CRTAC1: variants seen among roughly 807,000 people sequenced by gnomAD.
CRTAC1 encodes cartilage acidic protein 1.
In CRTAC1, 37 loss-of-function variants were observed where a neutral mutation model predicts 67.8. The observed-to-expected ratio is 0.55, with a 90% CI of 0.42 to 0.72. CRTAC1 has a LOEUF of 0.72. Among genes scored for constraint, CRTAC1 ranks in the 30% least tolerant of loss-of-function variants. The pLI is 0.00. For missense variants in CRTAC1, 780 were observed against 931.6 expected (o/e 0.84, Z 2.12); for synonymous variants, 348 against 371.0 (o/e 0.94, Z 0.71).
rs748076089 is a variant in CRTAC1, at chr10:97,936,171, C to T, written c.420G>A (p.Ser140=). ...IYFLNTNNAF[S]GVATYTDKLF... is the part of the protein sequence containing the mutation. Reference sequence around the variant, plus strand: ...AGAGGCCTGAGCCCCAGCCCTTACCCGAGAAGGCATTATTGGTGTTGAGGA... The same window carrying T: ...AGAGGCCTGAGCCCCAGCCCTTACCTGAGAAGGCATTATTGGTGTTGAGGA... The change falls in exon 3 of 15, where the codon TCG becomes TCA. Residue 140 remains serine (S), a splice_region_variant and synonymous_variant. Transcript: ENST00000370597. 10 of 1,601,318 alleles carry T rather than the reference C, an allele frequency of 6.2e-6. No homozygotes were observed. The African/African-American group carries it at 9.4e-5, about 15-fold the overall frequency.
chr10:97,891,959 G>A (rs2050380831), intron 11 of CRTAC1, among the ~76,000 whole-genome samples: 1 of 152,226 alleles, frequency 6.6e-6, no homozygotes, highest in Non-Finnish European at 1.5e-5. Context: ...AATGGACCCT[G>A]TCAACAGAGA....
At chr10:97,919,038 C>T (rs551276541) in intron 4 of CRTAC1, among the ~76,000 whole-genome samples, 21 of 148,606 alleles carry the variant, frequency 1.4e-4, no homozygotes, top group South Asian at 8.7e-4. Flanking sequence ...ACCACCCCCC[C>T]CCGCCTCAGC....
chr10:97,955,197 TCA>T (rs2051421580), intron 2 of CRTAC1, among the ~76,000 whole-genome samples: 1 of 152,210 alleles, frequency 6.6e-6, no homozygotes, highest in Admixed American at 6.5e-5. Flanking sequence ...TCCTTCAGAT[TCA>T]CCAGAGGTTT....
intron 14 of CRTAC1, among the ~76,000 whole-genome samples, chr10:97,872,915 C>G (rs2050108978): frequency 6.6e-6 from 1 of 152,166 alleles, no homozygotes; most frequent in African/African-American, 2.4e-5. Context: ...CCTTATAGGT[C>G]TAATATTGCC....
At chr10:97,985,071 G>A (rs2051957851) in intron 2 of CRTAC1, among the ~76,000 whole-genome samples, 2 of 152,270 alleles carry the variant, frequency 1.3e-5, no homozygotes, top group Non-Finnish European at 2.9e-5. Context: ...GAACTTCCAG[G>A]GATTGTTTCG....
At chr10:97,977,522 A>T (rs2051827282) in intron 2 of CRTAC1, among the ~76,000 whole-genome samples, 1 of 151,974 alleles carries the variant, frequency 6.6e-6, no homozygotes, top group Non-Finnish European at 1.5e-5. Context: ...TCCTGCTGTT[A>T]AAAAGAAAGC....
chr10:97,979,230 G>C (rs1410684789), intron 2 of CRTAC1, among the ~76,000 whole-genome samples: 3 of 152,154 alleles, frequency 2.0e-5, no homozygotes, highest in African/African-American at 4.8e-5. Flanking sequence ...GCTAAAGCGT[G>C]GTCCTTGAAG....
intron 2 of CRTAC1, among the ~76,000 whole-genome samples, chr10:97,939,448 T>C (rs546009519): frequency 6.6e-6 from 1 of 151,896 alleles, no homozygotes; most frequent in South Asian, 2.1e-4. Flanking sequence ...GGCCCTCATC[T>C]CCCCCAGTCC....
intron 2 of CRTAC1, among the ~76,000 whole-genome samples, chr10:97,973,081 G>A (rs1007607598): frequency 6.6e-6 from 1 of 152,084 alleles, no homozygotes; most frequent in African/African-American, 2.4e-5. Context: ...GAAGGAATAT[G>A]CCATAATGCC....
At chr10:97,960,563 A>C (rs1019500167) in intron 2 of CRTAC1, among the ~76,000 whole-genome samples, 4 of 152,150 alleles carry the variant, frequency 2.6e-5, no homozygotes. Context: ...TCTCCCATCT[A>C]TGGTCTTGGT....
chr10:97,888,482 T>G (rs1180878205), intron 11 of CRTAC1, among the ~76,000 whole-genome samples: 1 of 152,068 alleles, frequency 6.6e-6, no homozygotes. Flanking sequence ...GGTGGGAATG[T>G]GTATCAGAGG....
At chr10:97,891,598 G>A (rs2050375030) in intron 11 of CRTAC1, among the ~76,000 whole-genome samples, 1 of 152,260 alleles carries the variant, frequency 6.6e-6, no homozygotes, top group Non-Finnish European at 1.5e-5. Flanking sequence ...AGCCTGGAGG[G>A]CAGGGGGCAT....
chr10:97,934,083 A>C (rs1483961513), intron 3 of CRTAC1, among the ~76,000 whole-genome samples: 1 of 152,160 alleles, frequency 6.6e-6, no homozygotes, highest in East Asian at 1.9e-4. Context: ...GTGCTTGGTG[A>C]ATAGGGGATG....
rs1304924794 is a variant in CRTAC1, at chr10:97,892,958, C to G, written c.1486+2287G>C. Among the ~76,000 whole-genome samples, 6 of 152,298 alleles carry G rather than the reference C, an allele frequency of 3.9e-5. No individual in the cohort carries two copies. In the South Asian group the frequency reaches 1.2e-3, roughly 32 times the overall value. On this transcript the variant is annotated intron_variant, in intron 11 of 14. Transcript: ENST00000370597. ...CTATAAAAATTGGAGCACACACACA[C>G]GACAAAACATATGGAAGAAAATAAA... is the stretch of plus-strand genomic sequence containing the variant.
At chr10:97,984,076 G>T (rs1258938784) in intron 2 of CRTAC1, among the ~76,000 whole-genome samples, 1 of 152,192 alleles carries the variant, frequency 6.6e-6, no homozygotes, top group Non-Finnish European at 1.5e-5. Flanking sequence ...AAGAGGAAGA[G>T]ACAACAGCCA....
At chr10:97,948,926 A>C (rs2051307077) in intron 2 of CRTAC1, among the ~76,000 whole-genome samples, 1 of 152,184 alleles carries the variant, frequency 6.6e-6, no homozygotes, top group African/African-American at 2.4e-5. Context: ...TTTTAAAACT[A>C]TCAGATCTCG....
chr10:97,923,478 C>A (rs1264487784), intron 3 of CRTAC1, 78 bp from the exon 4 acceptor site: 1 of 1,575,390 alleles, frequency 6.3e-7, no homozygotes, highest in East Asian at 2.2e-5. Flanking sequence ...TGTCTCATGG[C>A]ACCTTTCACA....
intron 2 of CRTAC1, among the ~76,000 whole-genome samples, chr10:97,950,546 G>T (rs1033216513): frequency 6.6e-6 from 1 of 152,208 alleles, no homozygotes; most frequent in African/African-American, 2.4e-5. Context: ...CTGAGGTCTG[G>T]GTTGGACAGG....
At chr10:97,918,820 G>A (rs970158536) in intron 4 of CRTAC1, among the ~76,000 whole-genome samples, 3 of 149,860 alleles carry the variant, frequency 2.0e-5, no homozygotes, top group East Asian at 2.0e-4. Flanking sequence ...GTCTCACTCT[G>A]TTGCCCTGGC....
Sources: allele counts gnomAD v4.1 joint callset (sites outside exome capture counted in the v4.1 genomes callset), GRCh38; gene constraint gnomAD v4.1.1; transcripts MANE v1.5; gene names NCBI Gene and HGNC (gene_info 2026-07-23, HGNC 2026-07-21).